SULT1E1: variants seen among roughly 807,000 people sequenced by gnomAD.
SULT1E1 encodes the protein sulfotransferase 1E1.
SULT1E1 carries 36 observed loss-of-function variants against 33.6 expected under a neutral mutation model. That is an observed-to-expected ratio of 1.07 (90% CI 0.82 to 1.41). The LOEUF is 1.41. SULT1E1 is among the 40% of genes most tolerant of loss of function. SULT1E1 has a pLI of 0.00. For synonymous variants in SULT1E1, 121 were observed against 111.7 expected, an observed-to-expected ratio of 1.08 and a Z score of -0.53; for missense variants, 371 against 345.7, an observed-to-expected ratio of 1.07 and a Z score of -0.58.
Position 69,856,388 on chromosome 4 carries a change from T to TATAG in SULT1E1, c.146-963_146-962insCTAT, listed in dbSNP as rs532441374. Among the ~76,000 whole-genome samples the TATAG allele has an allele frequency of 6.6e-5, 10 of 152,330 alleles. No individual in the cohort carries two copies. In the South Asian group the frequency reaches 2.1e-3, roughly 32 times the overall value. On this transcript the variant is annotated intron_variant, in intron 2 of 7. Transcript: ENST00000226444. ...GGATTGTGTTTTAGAAGAATTTCTC[T>TATAG]AGTGCCAGAATAAACACAGTAGCGG... is the stretch of plus-strand genomic sequence containing the variant.
At chr4:69,856,831 G>A (rs866386071) in intron 2 of SULT1E1, among the ~76,000 whole-genome samples, 1 of 150,714 alleles carries the variant, frequency 6.6e-6, no homozygotes, top group South Asian at 2.1e-4. Flanking sequence ...AGCTACTCGG[G>A]AGGCTGAGGA....
intron 4 of SULT1E1, among the ~76,000 whole-genome samples, chr4:69,850,603 A>G (rs868118450): frequency 2.0e-5 from 3 of 152,058 alleles, no homozygotes; most frequent in Non-Finnish European, 4.4e-5. Context: ...AACTTTTCCA[A>G]TCTTACTTAT....
intron 6 of SULT1E1, among the ~76,000 whole-genome samples, chr4:69,845,445 T>C (rs912066280): frequency 2.6e-5 from 4 of 151,156 alleles, no homozygotes; most frequent in African/African-American, 9.7e-5. Context: ...AAATTAAAAA[T>C]TGAAATTAAA....
At chr4:69,827,430 A>T in the SULT1E1 span, among the ~76,000 whole-genome samples, 1 of 152,132 alleles carries the variant, frequency 6.6e-6, no homozygotes, top group South Asian at 2.1e-4. Flanking sequence ...CGTGTTCTAG[A>T]AGGACTAAGG....
At chr4:69,836,746 T>C (rs1349120755), downstream of SULT1E1, among the ~76,000 whole-genome samples, 1 of 152,208 alleles carries the variant, frequency 6.6e-6, no homozygotes, top group Admixed American at 6.5e-5. Context: ...TGTGTTTGTG[T>C]ATCTGTATTA....
At chr4:69,836,631 AC>A (rs1432110455), downstream of SULT1E1, among the ~76,000 whole-genome samples, 12 of 152,216 alleles carry the variant, frequency 7.9e-5, no homozygotes, top group Non-Finnish European at 1.0e-4. Flanking sequence ...GAGAGCACAA[AC>A]AACTCTGATT....
At chr4:69,851,869 C>T (rs767484101) in intron 4 of SULT1E1, among the ~76,000 whole-genome samples, 28 of 152,014 alleles carry the variant, frequency 1.8e-4, no homozygotes, top group Non-Finnish European at 8.8e-5. Flanking sequence ...CAAACTATCT[C>T]AAGAACAAAA....
the SULT1E1 span, among the ~76,000 whole-genome samples, chr4:69,823,454 G>C: frequency 1.3e-5 from 2 of 152,042 alleles, no homozygotes; most frequent in African/African-American, 4.8e-5. Context: ...CATAGTTAAG[G>C]CTTCCTCTTT....
At chr4:69,849,673 A>T in intron 4 of SULT1E1, 110 bp from the exon 5 acceptor site, 1 of 928,158 alleles carries the variant, frequency 1.1e-6, no homozygotes, top group Non-Finnish European at 1.6e-6. Flanking sequence ...AATACACATT[A>T]ATTTTACAAA....
chr4:69,832,309 C>T, the SULT1E1 span, among the ~76,000 whole-genome samples: 1 of 152,174 alleles, frequency 6.6e-6, no homozygotes, highest in Non-Finnish European at 1.5e-5. Flanking sequence ...GGCTGGGAGC[C>T]CCAGACCCAC....
intron 7 of SULT1E1, among the ~76,000 whole-genome samples, chr4:69,843,036 C>T (rs536593224): frequency 4.2e-4 from 64 of 152,220 alleles, no homozygotes; most frequent in African/African-American, 1.5e-3. Context: ...CAGGGTTTCA[C>T]TGTGTTAGCC....
At chr4:69,850,727 T>C (rs1208986473) in intron 4 of SULT1E1, among the ~76,000 whole-genome samples, 1 of 152,120 alleles carries the variant, frequency 6.6e-6, no homozygotes, top group Non-Finnish European at 1.5e-5. Flanking sequence ...CTGTCTTTCT[T>C]GAATGTTTTC....
the SULT1E1 span, among the ~76,000 whole-genome samples, chr4:69,827,649 C>T: frequency 3.3e-5 from 5 of 152,216 alleles, no homozygotes; most frequent in South Asian, 2.1e-4. Context: ...GCTCCAAAAG[C>T]GAGCCCTGGG....
intron 1 of SULT1E1, among the ~76,000 whole-genome samples, 161 bp from the exon 2 acceptor site, chr4:69,857,814 C>T (rs1010166607): frequency 6.6e-6 from 1 of 152,020 alleles, no homozygotes; most frequent in African/African-American, 2.4e-5. Flanking sequence ...AGTTTTGGTA[C>T]ATAGAGAGTT....
chr4:69,834,792 G>A, the SULT1E1 span, among the ~76,000 whole-genome samples: 1 of 152,024 alleles, frequency 6.6e-6, no homozygotes, highest in Non-Finnish European at 1.5e-5. Context: ...ATTAATAGTA[G>A]GATCATAAAA....
At position 69,842,097 on chromosome 4, in the gene SULT1E1, C is replaced by T. The variant is rs748291221; in HGVS notation, c.782G>A (p.Gly261Glu). The part of the protein sequence containing the change: ...LSPFMRKGIT[G>E]DWKNHFTVAL... ...TACTGTAAAGTGATTTTTCCAGTCT[C>T]CTGTAATTCCTGTAACAAAAAAGAA... is the stretch of plus-strand genomic sequence containing the variant. The change falls in exon 8 of 8, where the codon GGA becomes GAA. Residue 261 changes from glycine (G) to glutamate (E), a missense_variant. Transcript: ENST00000226444. 1 of 1,560,688 alleles carries T rather than the reference C, an allele frequency of 6.4e-7. No individual in the cohort carries two copies.
rs555117760 is a variant in SULT1E1, at chr4:69,855,123, A to G, written c.271+178T>C. Among the ~76,000 whole-genome samples the G allele has an allele frequency of 5.3e-5, 8 of 152,214 alleles. No homozygotes were observed. In the South Asian group the frequency reaches 1.7e-3, roughly 32 times the overall value. The stretch of plus-strand genomic sequence containing the variant: ...TCACTCTATTCCAGACATATGCTGT[A>G]CACATACTATACTGCAAAGCCTGTC... On this transcript the variant is annotated intron_variant, in intron 3 of 7. Coordinates refer to ENST00000226444, the MANE Select transcript of SULT1E1 (RefSeq NM_005420.3).
At chr4:69,825,394 G>A in the SULT1E1 span, among the ~76,000 whole-genome samples, 1 of 152,250 alleles carries the variant, frequency 6.6e-6, no homozygotes, top group Non-Finnish European at 1.5e-5. Context: ...ACCAATTCTG[G>A]ACACATTTTG....
intron 2 of SULT1E1, among the ~76,000 whole-genome samples, chr4:69,855,800 T>A (rs1721221699): frequency 6.6e-6 from 1 of 152,178 alleles, no homozygotes; most frequent in Non-Finnish European, 1.5e-5. Context: ...ATGTCTCATG[T>A]TGGGTCCTAG....
Sources: gnomAD v4.1 joint callset for allele counts (sites outside exome capture counted in the v4.1 genomes callset) on GRCh38, gnomAD v4.1.1 for gene constraint, MANE v1.5 for transcripts, NCBI Gene and HGNC (gene_info 2026-07-23, HGNC 2026-07-21) for gene names.